RBFOX1: variants seen among roughly 807,000 people sequenced by gnomAD.
RBFOX1 encodes RNA binding protein fox-1 homolog 1.
A neutral mutation model predicts 57.7 loss-of-function variants in RBFOX1; 8 were observed. The observed-to-expected ratio is 0.14, with a 90% CI of 0.08 to 0.25. The LOEUF (loss-of-function observed/expected upper bound fraction) is 0.25, where lower values mean the gene tolerates loss of function less well. Among genes scored for constraint, RBFOX1 ranks in the 10% least tolerant of loss-of-function variants. The pLI, the probability that RBFOX1 is intolerant of heterozygous loss-of-function variation, is 1.00. For synonymous variants in RBFOX1, 326 were observed against 222.4 expected (o/e 1.47, Z -4.15); for missense variants, 611 against 548.5 (o/e 1.11, Z -1.14).
chr16:7,694,108 T>C (rs2078046774), intron 14 of RBFOX1, among the ~76,000 whole-genome samples: 1 of 152,202 alleles, frequency 6.6e-6, no homozygotes, highest in African/African-American at 2.4e-5. Context: ...GGTGAATGCC[T>C]TAACACTAGA....
chr16:6,818,536 G>C (rs1039305170), intron 3 of RBFOX1, among the ~76,000 whole-genome samples: 2 of 152,208 alleles, frequency 1.3e-5, no homozygotes, highest in African/African-American at 4.8e-5. Flanking sequence ...ACAAGCTGTT[G>C]TAAGATTTAA....
intron 4 of RBFOX1, among the ~76,000 whole-genome samples, chr16:7,232,213 G>T (rs375318706): frequency 8.0e-4 from 122 of 152,096 alleles, no homozygotes; most frequent in Non-Finnish European, 1.3e-3. Flanking sequence ...TATGAGAGAC[G>T]GGGTTTCACC....
chr16:7,220,973 C>G (rs1197605690), intron 4 of RBFOX1, among the ~76,000 whole-genome samples: 12 of 152,056 alleles, frequency 7.9e-5, no homozygotes, highest in Admixed American at 2.0e-4. Context: ...GGACACCTGT[C>G]CAGGTAAGAC....
chr16:6,473,355 G>T (rs574704354), intron 2 of RBFOX1, among the ~76,000 whole-genome samples: 1 of 152,280 alleles, frequency 6.6e-6, no homozygotes, highest in African/African-American at 2.4e-5. Context: ...AAAGAAAGGA[G>T]TCAGTTCATG....
rs115436904 is a variant in RBFOX1 at position 6,937,161 on chromosome 16, T to A, written c.-15-114896T>A. Among the ~76,000 whole-genome samples, 565 of 152,294 alleles carry A rather than the reference T, an allele frequency of 3.7e-3. 2 individuals carry two copies. Among genetic ancestry groups the A allele is most frequent in the African/African-American group, 0.013 (537 of 41,562 alleles). ...ACCTTTAAAATGTTATCAAAAATGA[T>A]ATTTTTTTCCAAATTTTTATTCTGG... is the stretch of plus-strand genomic sequence containing the variant. On this transcript the variant is annotated intron_variant, in intron 3 of 15. Coordinates refer to ENST00000550418, the MANE Select transcript of RBFOX1 (RefSeq NM_018723.4).
chr16:5,645,325 A>C (rs949136640), intron 3 of RBFOX1, among the ~76,000 whole-genome samples: 2 of 152,056 alleles, frequency 1.3e-5, no homozygotes, highest in Non-Finnish European at 2.9e-5. Context: ...AAGGCCACAT[A>C]TTGTATGATT....
intron 1 of RBFOX1, among the ~76,000 whole-genome samples, chr16:6,099,670 G>T (rs184088572): frequency 6.6e-6 from 1 of 152,310 alleles, no homozygotes; most frequent in East Asian, 1.9e-4. Flanking sequence ...TTTTGTGACT[G>T]TCACTTCACA....
At chr16:6,364,437 C>T (rs79000884) in intron 2 of RBFOX1, among the ~76,000 whole-genome samples, 1 of 152,126 alleles carries the variant, frequency 6.6e-6, no homozygotes, top group Admixed American at 6.5e-5. Context: ...TAACACCCAC[C>T]TTGCCAAGAA....
At chr16:6,587,281 G>A (rs1053646155) in intron 2 of RBFOX1, among the ~76,000 whole-genome samples, 105 of 129,944 alleles carry the variant, frequency 8.1e-4, no homozygotes, top group Non-Finnish European at 1.5e-3. Context: ...GTATTTTTCT[G>A]AGTTTGGCCT....
intron 3 of RBFOX1, among the ~76,000 whole-genome samples, chr16:5,839,206 G>C (rs2056550440): frequency 6.6e-6 from 1 of 152,096 alleles, no homozygotes; most frequent in South Asian, 2.1e-4. Flanking sequence ...GCACATTTTG[G>C]CTGGCTCAGA....
chr16:6,920,497 G>T (rs1036146878), intron 3 of RBFOX1, among the ~76,000 whole-genome samples: 1 of 152,198 alleles, frequency 6.6e-6, no homozygotes, highest in African/African-American at 2.4e-5. Context: ...AGTCCACAGA[G>T]GCTCTTGTAA....
At chr16:7,684,284 G>A (rs8045458) in intron 14 of RBFOX1, among the ~76,000 whole-genome samples, 47,084 of 151,884 alleles carry the variant, frequency 0.31, 8,390 homozygotes, top group East Asian at 0.71. Context: ...CAAAAACTAT[G>A]ATGAATTTCA....
intron 3 of RBFOX1, among the ~76,000 whole-genome samples, chr16:6,843,335 A>G (rs2093590499): frequency 6.6e-6 from 1 of 151,706 alleles, no homozygotes; most frequent in African/African-American, 2.4e-5. Flanking sequence ...GAAAACACAT[A>G]TTCCAGGGAG....
chr16:7,233,610 T>A (rs756935344), intron 4 of RBFOX1, among the ~76,000 whole-genome samples: 1 of 152,198 alleles, frequency 6.6e-6, no homozygotes, highest in Non-Finnish European at 1.5e-5. Context: ...AATACATGTA[T>A]AGTTTGCATT....
intron 9 of RBFOX1, among the ~76,000 whole-genome samples, chr16:7,598,443 A>G (rs17144280): frequency 0.53 from 80,307 of 152,030 alleles, 25,257 homozygotes; most frequent in Non-Finnish European, 0.69. Flanking sequence ...AAGGAGATAT[A>G]TGGAATTTTA....
At chr16:6,724,259 G>C (rs2066656165) in intron 3 of RBFOX1, among the ~76,000 whole-genome samples, 1 of 149,108 alleles carries the variant, frequency 6.7e-6, no homozygotes, top group South Asian at 2.1e-4. Context: ...ACCCATGCTG[G>C]TGTGCAGTGG....
At chr16:6,530,749 T>A (rs370479342) in intron 2 of RBFOX1, among the ~76,000 whole-genome samples, 1,095 of 40,838 alleles carry the variant, frequency 0.027, 3 homozygotes, top group Non-Finnish European at 0.11. Context: ...TTATAAACCG[T>A]CCCTTCCCCA....
At chr16:5,996,952 C>T (rs1439753266) in intron 4 of RBFOX1, among the ~76,000 whole-genome samples, 2 of 152,172 alleles carry the variant, frequency 1.3e-5, no homozygotes, top group Non-Finnish European at 1.5e-5. Flanking sequence ...TCCAAACTGA[C>T]GAGCAAGCAC....
At chr16:6,968,577 G>A (rs2084811157) in intron 3 of RBFOX1, among the ~76,000 whole-genome samples, 1 of 152,074 alleles carries the variant, frequency 6.6e-6, no homozygotes, top group South Asian at 2.1e-4. Flanking sequence ...TCAGAATGAT[G>A]TGAAGGTGTA....
Sources: allele counts gnomAD v4.1 joint callset (sites outside exome capture counted in the v4.1 genomes callset), GRCh38; gene constraint gnomAD v4.1.1; transcripts MANE v1.5; gene names NCBI Gene and HGNC (gene_info 2026-07-23, HGNC 2026-07-21).